PXDN: variants seen among roughly 807,000 people sequenced by gnomAD.
PXDN encodes peroxidasin homolog.
Under a neutral mutation model 140.3 loss-of-function variants are expected in PXDN, and 77 were observed. The ratio of observed to expected loss-of-function variants is 0.55; its 90% CI spans 0.46 to 0.66. PXDN has a LOEUF of 0.66. Among genes scored for constraint, PXDN ranks in the 30% least tolerant of loss-of-function variants. The pLI is 0.00. For synonymous variants in PXDN, 911 were observed against 857.4 expected (o/e 1.06, Z -1.09); for missense variants, 1,838 against 2,039.5 (o/e 0.90, Z 1.90).
intron 7 of PXDN, among the ~76,000 whole-genome samples, chr2:1,677,948 T>C (rs13019273): frequency 0.33 from 50,131 of 152,068 alleles, 8,763 homozygotes; most frequent in South Asian, 0.39. Context: ...GCAGCGGAGA[T>C]GGCTCTGCTC....
Position 1,648,533 on chromosome 2 carries a change from G to A in PXDN, c.3247C>T (p.Arg1083Trp), listed in dbSNP as rs770360674. The change falls in exon 17 of 23, where the codon CGG becomes TGG. Residue 1083 changes from arginine to tryptophan, a missense_variant. By Grantham distance (101) the Arg-to-Trp change is moderately radical. Around this residue, in one of 5 missense-constraint regions of PXDN, gnomAD observed 850 missense variants for 894.1 expected, o/e 0.95. Transcript: ENST00000252804. This position sits in a 1 kb window ranked among gnomAD's most constrained non-coding sequence, Gnocchi z 8.9. ...ATGGGCTGGAAGTTCTCGTCCAGCC[G>A]GTAAAGCAGTGGGTTGACAAGCGTG... ...GHTLVNPLLY[R>W]LDENFQPIAQ... The A allele has an allele frequency of 5.0e-6, 8 of 1,613,488 alleles. No individual in the cohort carries two copies. In the Admixed American group the frequency reaches 5.0e-5, roughly 10 times the overall value.
rs189116905 is a variant in PXDN at position 1,662,216 on chromosome 2, C to T, written c.1568-32G>A. The T allele has an allele frequency of 3.6e-5, 56 of 1,535,108 alleles. 2 individuals carry two copies. Among genetic ancestry groups the T allele is most frequent in the Middle Eastern group, 1.7e-4 (1 of 5,970 alleles). The stretch of plus-strand genomic sequence containing the variant: ...GGCAGATGTAGAGAATCCAGGAGAA[C>T]GAGTCAATTACATCAAAAAACTTCA... On this transcript the variant is annotated intron_variant, in intron 12 of 22. Coordinates refer to ENST00000252804, the MANE Select transcript of PXDN (RefSeq NM_012293.3).
At chr2:1,712,390 T>A (rs1248916046) in intron 1 of PXDN, among the ~76,000 whole-genome samples, 2 of 152,234 alleles carry the variant, frequency 1.3e-5, no homozygotes, top group Non-Finnish European at 2.9e-5. Context: ...AAAATAATCA[T>A]AACAGTAAAC....
chr2:1,743,734 G>GAAGGGGAGGAGGAGGAGGA (rs1225934254), intron 1 of PXDN, among the ~76,000 whole-genome samples: 2 of 123,254 alleles, frequency 1.6e-5, no homozygotes, highest in African/African-American at 6.0e-5. Flanking sequence ...GGAGGAAGAG[G>GAAGGGGAGGAGGAGGAGGA]AGCGGAGGAG....
chr2:1,686,014 C>G (rs1172299723), intron 4 of PXDN, among the ~76,000 whole-genome samples: 1 of 152,168 alleles, frequency 6.6e-6, no homozygotes, highest in Non-Finnish European at 1.5e-5. Flanking sequence ...TCCGGGCTCC[C>G]GGGCATTCCT....
rs557414949 is a variant in PXDN at position 1,648,261 on chromosome 2, G to A, written c.3519C>T (p.Tyr1173=). 3 of 1,613,990 alleles carry A rather than the reference G, an allele frequency of 1.9e-6. No homozygotes were observed. Among genetic ancestry groups the A allele is most frequent in the African/African-American group, 2.7e-5 (2 of 75,050 alleles). ...CCGCCGATAGATTGCAGTAGACCCT[G>A]TAGTCGTGGTAGGGTGGGATCCCGT... is the stretch of plus-strand genomic sequence containing the variant. The part of the protein sequence containing the change: ...RDHGIPPYHD[Y]RVYCNLSAAH... Residue 1173 remains tyrosine (Y), a synonymous_variant, in exon 17 of 23, where the codon TAC becomes TAT. Coordinates refer to ENST00000252804, the MANE Select transcript of PXDN (RefSeq NM_012293.3). This position sits in a 1 kb window ranked among gnomAD's most constrained non-coding sequence, Gnocchi z 8.9.
chr2:1,744,334 A>T lies in PXDN; in HGVS notation c.122T>A (p.Leu41Gln). 5.2e-6 allele frequency: 8 copies of T among 1,527,934 alleles called. No homozygotes were observed. Among genetic ancestry groups the T allele is most frequent in the Non-Finnish European group, 7.0e-6 (8 of 1,143,758 alleles). The allele number at this position is 1,527,934 out of a possible 1,614,324, so 94.6% of individuals were successfully genotyped here. ...GCAGCGCACGGTGGTGCGGAAGCAC[A>T]GGCAGCGGCTCGGACACCCTGCGCC... ...KPGAGCPSRC[L>Q]CFRTTVRCMH... The change falls in exon 1 of 23, where the codon CTG becomes CAG. Residue 41 changes from leucine (L) to glutamine (Q), a missense_variant. By Grantham distance (113) the Leu-to-Gln change is moderately radical. This residue lies in a region of PXDN where 231 missense variants were observed against 201.5 expected (regional missense o/e 1.15). Transcript: ENST00000252804.
At chr2:1,708,932 T>A (rs1297355897) in intron 1 of PXDN, among the ~76,000 whole-genome samples, 1 of 152,134 alleles carries the variant, frequency 6.6e-6, no homozygotes, top group East Asian at 1.9e-4. Flanking sequence ...GAATGCTGGC[T>A]CCAAAACACA....
intron 21 of PXDN, among the ~76,000 whole-genome samples, 168 bp downstream of exon 21, chr2:1,638,678 G>A (rs1257966721): frequency 2.6e-5 from 4 of 152,162 alleles, no homozygotes; most frequent in Non-Finnish European, 5.9e-5. Flanking sequence ...ACATGGCCCG[G>A]CCTGACCCAG....
rs138240150 is a variant in PXDN, at chr2:1,737,205, G to A, written c.200+7051C>T. Among the ~76,000 whole-genome samples the A allele has an allele frequency of 3.3e-3, 504 of 152,290 alleles. 3 individuals are homozygous for A. The highest frequency in any genetic ancestry group is 0.011 in the African/African-American group (476 of 41,570). On this transcript the variant is annotated intron_variant, in intron 1 of 22. Transcript: ENST00000252804. The stretch of plus-strand genomic sequence containing the variant: ...GAACACCCAAGGCCCTCAGACGCCC[G>A]GAGGACGGCTGCCATTCTTCACCTC...
intron 19 of PXDN, among the ~76,000 whole-genome samples, chr2:1,642,647 G>A (rs1414802733): frequency 6.6e-6 from 1 of 152,224 alleles, no homozygotes; most frequent in Non-Finnish European, 1.5e-5. Context: ...ATCATAGTTT[G>A]AATAAAGCCA....
chr2:1,681,549 C>G (rs1168333579), intron 6 of PXDN, among the ~76,000 whole-genome samples: 2 of 151,646 alleles, frequency 1.3e-5, no homozygotes, highest in Non-Finnish European at 2.9e-5. Context: ...CTCTAGGGGC[C>G]GACGCTGGCT....
chr2:1,652,129 G>A (rs1683028449), intron 16 of PXDN, among the ~76,000 whole-genome samples: 1 of 152,158 alleles, frequency 6.6e-6, no homozygotes, highest in Admixed American at 6.5e-5. Flanking sequence ...GACACACAAT[G>A]GACATGCAAT....
At position 1,660,721 on chromosome 2, in the gene PXDN, G is replaced by A. The variant is rs1354324227; in HGVS notation, c.1837+160C>T. Among the ~76,000 whole-genome samples the A allele has an allele frequency of 2.0e-5, 3 of 152,242 alleles. No individual in the cohort carries two copies. The highest frequency in any genetic ancestry group is 4.8e-5 in the African/African-American group (2 of 41,546). Reference sequence around the variant, plus strand: ...GAGGGGAGGGGCTGTCGAGCAGCCCGGCCATGCATCAGGAGAGTGTCCCCA... The same window carrying A: ...GAGGGGAGGGGCTGTCGAGCAGCCCAGCCATGCATCAGGAGAGTGTCCCCA... On this transcript the variant is annotated intron_variant, in intron 14 of 22. Transcript: ENST00000252804. This position sits in a 1 kb window ranked among gnomAD's most constrained non-coding sequence, Gnocchi z 4.6.
intron 1 of PXDN, among the ~76,000 whole-genome samples, chr2:1,737,106 A>G (rs758041897): frequency 8.7e-4 from 132 of 152,278 alleles, no homozygotes; most frequent in Non-Finnish European, 1.5e-3. Flanking sequence ...TCTGGACAGG[A>G]GCAGGGCATG....
intron 1 of PXDN, among the ~76,000 whole-genome samples, chr2:1,726,888 G>A (rs1470678973): frequency 6.6e-6 from 1 of 152,120 alleles, no homozygotes; most frequent in Non-Finnish European, 1.5e-5. Context: ...ATAGATCTAT[G>A]TGAGTATGAC....
At chr2:1,664,820 G>A (rs1156428501) in intron 11 of PXDN, 138 bp downstream of exon 11, 1 of 740,462 alleles carries the variant, frequency 1.4e-6, no homozygotes, top group African/African-American at 1.8e-5. Context: ...GCGCTTCCCA[G>A]TGCCTTGGTC....
intron 1 of PXDN, among the ~76,000 whole-genome samples, chr2:1,717,021 C>T (rs563720062): frequency 3.9e-5 from 6 of 152,248 alleles, no homozygotes; most frequent in East Asian, 3.9e-4. Flanking sequence ...TTGGTAAGCA[C>T]GATCTCTGCT....
At chr2:1,682,000 G>A (rs768455786) in intron 6 of PXDN, among the ~76,000 whole-genome samples, 1 of 152,194 alleles carries the variant, frequency 6.6e-6, no homozygotes, top group East Asian at 1.9e-4. Flanking sequence ...AGACTGCTCC[G>A]AGCAGACAGC....
Sources: allele counts gnomAD v4.1 joint callset (sites outside exome capture counted in the v4.1 genomes callset), GRCh38; gene constraint gnomAD v4.1.1; regional missense constraint gnomAD v4.1.1; non-coding constraint Gnocchi (gnomAD v3.1); transcripts MANE v1.5; gene names NCBI Gene and HGNC (gene_info 2026-07-23, HGNC 2026-07-21).